ASTN1: variants seen among roughly 807,000 people sequenced by gnomAD.
ASTN1 encodes the protein astrotactin-1.
Under a neutral mutation model 140.7 loss-of-function variants are expected in ASTN1, and 41 were observed. The ratio of observed to expected loss-of-function variants is 0.29; its 90% confidence interval spans 0.23 to 0.38. The LOEUF (loss-of-function observed/expected upper bound fraction) is 0.38, where lower values mean the gene tolerates loss of function less well. ASTN1 is among the 10% of genes least tolerant of loss of function. The pLI is 1.00. For synonymous variants in ASTN1, 640 were observed against 652.2 expected, an observed-to-expected ratio of 0.98 and a Z score of 0.29; for missense variants, 1,479 against 1,678.8, an observed-to-expected ratio of 0.88 and a Z score of 2.08.
intron 16 of ASTN1, among the ~76,000 whole-genome samples, chr1:176,898,205 T>C (rs1669608413): frequency 1.3e-5 from 2 of 152,170 alleles, no homozygotes; most frequent in African/African-American, 4.8e-5. Context: ...GATGTAGAAA[T>C]CCGTGGAGGG....
Position 177,023,437 on chromosome 1 carries a change from C to T in ASTN1, c.1405G>A (p.Asp469Asn), listed in dbSNP as rs1229085826. 1.2e-6 allele frequency: 2 copies of T among 1,602,374 alleles called. No individual in the cohort carries two copies. Among genetic ancestry groups the T allele is most frequent in the South Asian group, 1.1e-5 (1 of 89,240 alleles). The change falls in exon 7 of 23, where the codon GAC becomes AAC. Residue 469 changes from aspartate to asparagine, a missense_variant. By Grantham distance (23) the Asp-to-Asn change is conservative (BLOSUM62 1). This residue lies in a region of ASTN1 where 729 missense variants were observed against 860.4 expected (regional missense o/e 0.85). Transcript: ENST00000361833. ...AMDLCARRLL[D>N]PCEHQCDPET... Reference sequence around the variant, plus strand: ...GGGTCACATTGGTGTTCACAGGGGTCCAGGAGCCGCCGGGCACAGAGGTCC... The same window carrying T: ...GGGTCACATTGGTGTTCACAGGGGTTCAGGAGCCGCCGGGCACAGAGGTCC...
intron 1 of ASTN1, among the ~76,000 whole-genome samples, chr1:177,104,969 G>A (rs1045641157): frequency 3.9e-5 from 6 of 152,116 alleles, no homozygotes; most frequent in African/African-American, 1.4e-4. Context: ...TCTTTTCACA[G>A]ACGGGCATTC....
intron 1 of ASTN1, among the ~76,000 whole-genome samples, chr1:177,156,352 G>A (rs1445314461): frequency 6.6e-6 from 1 of 151,306 alleles, no homozygotes; most frequent in African/African-American, 2.4e-5. Context: ...CAGGTAATAT[G>A]CAAGATGACC....
intron 1 of ASTN1, among the ~76,000 whole-genome samples, chr1:177,128,652 T>A (rs1179889751): frequency 6.6e-6 from 1 of 152,216 alleles, no homozygotes. Flanking sequence ...CTTCCCTTTT[T>A]TCTGTGATTT....
intron 9 of ASTN1, among the ~76,000 whole-genome samples, chr1:176,961,914 GT>G (rs749864606): frequency 3.9e-5 from 6 of 152,186 alleles, no homozygotes; most frequent in Non-Finnish European, 8.8e-5. Context: ...TGTGCACTGA[GT>G]CCTGCACACA....
At chr1:176,945,856 C>A (rs1671934803) in intron 13 of ASTN1, 70 bp downstream of exon 13, 3 of 1,433,070 alleles carry the variant, frequency 2.1e-6, no homozygotes, top group South Asian at 1.4e-5. Flanking sequence ...AAGCTTTATG[C>A]TAGTGCAAAC....
rs555305370 is a variant in ASTN1 at position 177,097,848 on chromosome 1, C to T, written c.284-36583G>A. Among the ~76,000 whole-genome samples the T allele has an allele frequency of 9.9e-5, 15 of 152,246 alleles. No homozygotes were observed. The South Asian group carries it at 1.5e-3, about 15-fold the overall frequency. ...GATTACGCCTATATAATGGAACCTCCGTAAAACCCCTAAATGACAGGGTTT... is the reference window on the plus strand; with the variant it reads ...GATTACGCCTATATAATGGAACCTCTGTAAAACCCCTAAATGACAGGGTTT... On this transcript the variant is annotated intron_variant, in intron 1 of 22. Transcript: ENST00000361833.
downstream of ASTN1, among the ~76,000 whole-genome samples, chr1:176,857,819 G>A (rs1166365647): frequency 2.0e-5 from 3 of 152,154 alleles, no homozygotes; most frequent in Admixed American, 6.5e-5. Context: ...AGGACAAAAC[G>A]GCATGTAAGG....
intron 2 of ASTN1, among the ~76,000 whole-genome samples, chr1:177,059,016 C>T (rs1157646677): frequency 6.6e-6 from 1 of 152,170 alleles, no homozygotes; most frequent in Admixed American, 6.5e-5. Flanking sequence ...CCCCTTCTGA[C>T]ATATTGTTTG....
At chr1:176,936,938 CTACTT>C (rs1278296488) in intron 14 of ASTN1, among the ~76,000 whole-genome samples, 1 of 152,170 alleles carries the variant, frequency 6.6e-6, no homozygotes. Flanking sequence ...TTCATCCTAT[CTACTT>C]TACAGGCAGG....
chr1:176,871,274 G>GC (rs1668331685), intron 21 of ASTN1, among the ~76,000 whole-genome samples: 1 of 152,180 alleles, frequency 6.6e-6, no homozygotes, highest in South Asian at 2.1e-4. Context: ...TCCATGGGAA[G>GC]CAAGGAGCGC....
At chr1:177,119,887 G>T (rs552735536) in intron 1 of ASTN1, among the ~76,000 whole-genome samples, 9 of 152,286 alleles carry the variant, frequency 5.9e-5, no homozygotes, top group Non-Finnish European at 1.0e-4. Flanking sequence ...ACCAGCAGAG[G>T]CTGCCCCCTC....
intron 16 of ASTN1, among the ~76,000 whole-genome samples, chr1:176,926,288 CA>C (rs3041009): frequency 0.78 from 102,021 of 130,984 alleles, 39,454 homozygotes; most frequent in South Asian, 0.85. Flanking sequence ...AGTGCCTGCT[CA>C]AAAAAAAAAA....
chr1:176,985,845 T>TACAC (rs60769752), intron 8 of ASTN1, among the ~76,000 whole-genome samples: 8,534 of 129,634 alleles, frequency 0.066, 305 homozygotes, highest in Middle Eastern at 0.084. Flanking sequence ...TCTCTCTCTC[T>TACAC]ACACACACAC....
At chr1:177,089,790 C>T (rs1173922067) in intron 1 of ASTN1, among the ~76,000 whole-genome samples, 6 of 152,110 alleles carry the variant, frequency 3.9e-5, no homozygotes, top group African/African-American at 1.2e-4. Context: ...TCAAAATGGA[C>T]TCTTAGCAAA....
intron 1 of ASTN1, among the ~76,000 whole-genome samples, chr1:177,149,266 A>AG (rs1332712530): frequency 3.1e-5 from 3 of 95,980 alleles, no homozygotes; most frequent in Non-Finnish European, 5.4e-5. Flanking sequence ...AAATATATAT[A>AG]TACTATATAT....
chr1:177,151,936 T>C (rs531055306), intron 1 of ASTN1, among the ~76,000 whole-genome samples: 1 of 152,240 alleles, frequency 6.6e-6, no homozygotes, highest in East Asian at 1.9e-4. Flanking sequence ...AAAGCAGCCA[T>C]CCTTTGCCAT....
chr1:176,969,350 A>G (rs1673033121), intron 8 of ASTN1, among the ~76,000 whole-genome samples: 1 of 152,200 alleles, frequency 6.6e-6, no homozygotes, highest in Non-Finnish European at 1.5e-5. Flanking sequence ...CGTATGGGCC[A>G]CAGAGGAAAC....
intron 1 of ASTN1, among the ~76,000 whole-genome samples, chr1:177,091,045 G>C (rs996458641): frequency 6.6e-6 from 1 of 151,848 alleles, no homozygotes; most frequent in Non-Finnish European, 1.5e-5. Context: ...CTGGTGAAAG[G>C]GGAAGTCCTG....
Sources: allele counts gnomAD v4.1 joint callset (sites outside exome capture counted in the v4.1 genomes callset), GRCh38; gene constraint gnomAD v4.1.1; regional missense constraint gnomAD v4.1.1; transcripts MANE v1.5; gene names NCBI Gene and HGNC (gene_info 2026-07-23, HGNC 2026-07-21).